GALNT17: variants seen among roughly 807,000 people sequenced by gnomAD.
GALNT17 encodes the protein polypeptide N-acetylgalactosaminyltransferase 17.
GALNT17 carries 29 observed loss-of-function variants against 63.7 expected under a neutral mutation model. The ratio of observed to expected loss-of-function variants is 0.46; its 90% CI spans 0.34 to 0.62. The LOEUF is 0.62. Among genes scored for constraint, GALNT17 ranks in the 20% least tolerant of loss-of-function variants. The pLI, the probability that GALNT17 is intolerant of heterozygous loss-of-function variation, is 0.01. For missense variants in GALNT17, 603 were observed against 799.6 expected (o/e 0.75, Z 2.97); for synonymous variants, 305 against 318.3 (o/e 0.96, Z 0.45).
intron 1 of GALNT17, among the ~76,000 whole-genome samples, chr7:71,308,523 A>G (rs1370079498): frequency 6.6e-6 from 1 of 152,050 alleles, no homozygotes; most frequent in African/African-American, 2.4e-5. Flanking sequence ...TTTAGGACTT[A>G]CATCTTCAGC....
At chr7:71,262,679 CTTTTT>C (rs756742343) in intron 1 of GALNT17, among the ~76,000 whole-genome samples, 1 of 124,654 alleles carries the variant, frequency 8.0e-6, no homozygotes. Context: ...TTTTTACTTT[CTTTTT>C]TTTTTTTTTT....
chr7:71,242,948 G>A (rs1790026070), intron 1 of GALNT17, among the ~76,000 whole-genome samples: 1 of 152,168 alleles, frequency 6.6e-6, no homozygotes, highest in Admixed American at 6.5e-5. Context: ...TAGAATCTTA[G>A]AGTTGGGAAG....
At chr7:71,196,247 C>G (rs1249952826) in intron 1 of GALNT17, among the ~76,000 whole-genome samples, 1 of 151,928 alleles carries the variant, frequency 6.6e-6, no homozygotes, top group East Asian at 1.9e-4. Flanking sequence ...AAGCAATTCC[C>G]CTGCCTCAGC....
chr7:71,526,507 T>G (rs183220383), intron 5 of GALNT17, among the ~76,000 whole-genome samples: 106 of 152,270 alleles, frequency 7.0e-4, no homozygotes, highest in African/African-American at 2.4e-3. Flanking sequence ...TTTTTATTTT[T>G]TATTTTTTAT....
chr7:71,223,586 A>T (rs1789626545), intron 1 of GALNT17, among the ~76,000 whole-genome samples: 1 of 151,808 alleles, frequency 6.6e-6, no homozygotes, highest in African/African-American at 2.4e-5. Flanking sequence ...TCAGGGGTAC[A>T]TGTGAAGGTT....
At chr7:71,511,703 TAATA>T (rs970165399) in intron 5 of GALNT17, among the ~76,000 whole-genome samples, 2 of 152,136 alleles carry the variant, frequency 1.3e-5, no homozygotes, top group Non-Finnish European at 2.9e-5. Context: ...CCATCATCAT[TAATA>T]AATAAGTCTA....
chr7:71,172,274 G>C (rs929430629), intron 1 of GALNT17, among the ~76,000 whole-genome samples: 4 of 151,722 alleles, frequency 2.6e-5, no homozygotes, highest in Non-Finnish European at 4.4e-5. Flanking sequence ...GAGACTAGCT[G>C]GGGCAACATA....
Position 71,194,046 on chromosome 7 carries a change from A to T in GALNT17, c.238+61006A>T, listed in dbSNP as rs1320100594. 2.0e-5 allele frequency among the ~76,000 whole-genome samples: 3 copies of T among 151,972 alleles called. No individual in the cohort carries two copies. The East Asian group carries it at 5.8e-4, about 29-fold the overall frequency. On this transcript the variant is annotated intron_variant, in intron 1 of 10. Coordinates refer to ENST00000333538, the MANE Select transcript of GALNT17 (RefSeq NM_022479.3). ...TGGTCTCTAACCAATCATCTGCTTT[A>T]TTTATTTATTTATTTTTGAGACAGG...
At chr7:71,481,313 G>C (rs1787812978) in intron 5 of GALNT17, among the ~76,000 whole-genome samples, 1 of 152,058 alleles carries the variant, frequency 6.6e-6, no homozygotes, top group Non-Finnish European at 1.5e-5. Context: ...AGTCAGGGGT[G>C]GTGGGTGCAC....
chr7:71,347,907 G>A (rs909103952), intron 2 of GALNT17, among the ~76,000 whole-genome samples: 7 of 152,080 alleles, frequency 4.6e-5, no homozygotes, highest in African/African-American at 1.7e-4. Context: ...AAAGTATAAT[G>A]TGTGTTTTTC....
chr7:71,663,962 C>G (rs1319329542), intron 6 of GALNT17, among the ~76,000 whole-genome samples: 1 of 151,968 alleles, frequency 6.6e-6, no homozygotes, highest in Non-Finnish European at 1.5e-5. Context: ...TGAAACTTTT[C>G]TGTCATTTTC....
chr7:71,598,692 G>A (rs1789923044), intron 6 of GALNT17, among the ~76,000 whole-genome samples: 1 of 152,112 alleles, frequency 6.6e-6, no homozygotes, highest in African/African-American at 2.4e-5. Flanking sequence ...GACTTCAATC[G>A]GCATGCAAAC....
At chr7:71,488,043 G>A (rs1279833482) in intron 5 of GALNT17, among the ~76,000 whole-genome samples, 1 of 152,068 alleles carries the variant, frequency 6.6e-6, no homozygotes, top group African/African-American at 2.4e-5. Flanking sequence ...GGTGGTGCAT[G>A]ATGGTAGTCC....
At chr7:71,337,553 G>A (rs1450598376) in intron 2 of GALNT17, among the ~76,000 whole-genome samples, 2 of 152,066 alleles carry the variant, frequency 1.3e-5, no homozygotes, top group East Asian at 3.9e-4. Context: ...ACACTTTTTT[G>A]CATGAGATTC....
At chr7:71,347,941 C>T (rs950313465) in intron 2 of GALNT17, among the ~76,000 whole-genome samples, 3 of 152,060 alleles carry the variant, frequency 2.0e-5, no homozygotes, top group Admixed American at 6.6e-5. Flanking sequence ...TTGATTTTTT[C>T]CACATATTGA....
intron 1 of GALNT17, among the ~76,000 whole-genome samples, chr7:71,204,836 C>G (rs1789241222): frequency 6.6e-6 from 1 of 152,134 alleles, no homozygotes; most frequent in South Asian, 2.1e-4. Flanking sequence ...ACCTCTGCCT[C>G]CTGGGTTCAA....
intron 2 of GALNT17, among the ~76,000 whole-genome samples, chr7:71,386,699 A>T (rs911302684): frequency 3.3e-5 from 5 of 152,200 alleles, no homozygotes; most frequent in African/African-American, 1.2e-4. Context: ...CGGGCATATG[A>T]GGGCTGCTGG....
intron 1 of GALNT17, among the ~76,000 whole-genome samples, chr7:71,334,952 ATTTC>A (rs1009418306): frequency 8.5e-5 from 13 of 152,136 alleles, no homozygotes; most frequent in Admixed American, 8.5e-4. Flanking sequence ...ATTCTGTGCT[ATTTC>A]TTCTTGCTGT....
chr7:71,185,354 T>C (rs143079447), intron 1 of GALNT17, among the ~76,000 whole-genome samples: 4,374 of 149,540 alleles, frequency 0.029, 172 homozygotes, highest in East Asian at 0.12. Flanking sequence ...TACAGGCACA[T>C]GCCACCATGC....
Sources: allele counts gnomAD v4.1 joint callset (sites outside exome capture counted in the v4.1 genomes callset), GRCh38; gene constraint gnomAD v4.1.1; transcripts MANE v1.5; gene names NCBI Gene and HGNC (gene_info 2026-07-23, HGNC 2026-07-21).